The following FER1L6 variants were observed in gnomAD, a reference collection of about 807,000 sequenced individuals.
The protein encoded by FER1L6 is fer-1-like protein 6.
In FER1L6, 177 loss-of-function variants were observed where a neutral mutation model predicts 219.2. The ratio of observed to expected loss-of-function variants is 0.81; its 90% CI spans 0.71 to 0.91. The LOEUF is 0.91. Among genes scored for constraint, FER1L6 ranks in the 40% least tolerant of loss-of-function variants. FER1L6 has a pLI of 0.00. For missense variants in FER1L6, 2,153 were observed against 2,259.9 expected (o/e 0.95, Z 0.96); for synonymous variants, 768 against 824.3 (o/e 0.93, Z 1.17).
chr8:124,096,200 G>GA (rs201325432), intron 35 of FER1L6, among the ~76,000 whole-genome samples: 2,140 of 152,320 alleles, frequency 0.014, 52 homozygotes, highest in African/African-American at 0.049. Context: ...AAATCATCTG[G>GA]TTACTAGGAT....
chr8:123,967,127 A>G (rs1292316296), intron 5 of FER1L6, among the ~76,000 whole-genome samples: 1 of 152,050 alleles, frequency 6.6e-6, no homozygotes, highest in Non-Finnish European at 1.5e-5. Context: ...ATATGGCAAA[A>G]GAGACAAAAA....
chr8:124,023,069 C>G (rs965834145), intron 17 of FER1L6, among the ~76,000 whole-genome samples: 1 of 152,164 alleles, frequency 6.6e-6, no homozygotes, highest in Non-Finnish European at 1.5e-5. Context: ...GCAAGTGTCA[C>G]TACGCCCAGC....
intron 1 of FER1L6, among the ~76,000 whole-genome samples, chr8:123,889,650 G>A (rs1812604498): frequency 6.6e-6 from 1 of 151,986 alleles, no homozygotes; most frequent in Non-Finnish European, 1.5e-5. Flanking sequence ...ATATAAAAAA[G>A]GAGATGTGTT....
intron 25 of FER1L6, 29 bp downstream of exon 25, chr8:124,062,061 T>G (rs755384803): frequency 1.2e-6 from 2 of 1,612,104 alleles, no homozygotes; most frequent in Non-Finnish European, 1.7e-6. Context: ...ATTTTGTAGC[T>G]GTAACTATAA....
At chr8:123,887,318 T>C (rs1817221853) in intron 1 of FER1L6, among the ~76,000 whole-genome samples, 1 of 152,176 alleles carries the variant, frequency 6.6e-6, no homozygotes, top group Non-Finnish European at 1.5e-5. Flanking sequence ...CCCGGTGTTT[T>C]GGTAACAGAT....
At chr8:124,040,268 G>T (rs1819425005) in intron 20 of FER1L6, among the ~76,000 whole-genome samples, 1 of 152,232 alleles carries the variant, frequency 6.6e-6, no homozygotes, top group Non-Finnish European at 1.5e-5. Context: ...GGAATGAGGC[G>T]GAGAAGGCTA....
chr8:123,950,229 G>A (rs113608036), intron 1 of FER1L6, among the ~76,000 whole-genome samples: 2,055 of 152,244 alleles, frequency 0.013, 58 homozygotes, highest in African/African-American at 0.047. Flanking sequence ...TCTAAATAGC[G>A]CGGTCATGTG....
intron 12 of FER1L6, among the ~76,000 whole-genome samples, chr8:123,987,482 C>T (rs1816643234): frequency 6.6e-6 from 1 of 152,118 alleles, no homozygotes; most frequent in Admixed American, 6.5e-5. Flanking sequence ...TGTCTCCTCA[C>T]TTTATGAATT....
chr8:123,906,514 T>C (rs1328317319), intron 1 of FER1L6, among the ~76,000 whole-genome samples: 1 of 152,106 alleles, frequency 6.6e-6, no homozygotes, highest in Admixed American at 6.6e-5. Context: ...AATAAAATGA[T>C]TGTGGCTGGG....
chr8:124,055,616 TAC>T (rs983658364), intron 22 of FER1L6, among the ~76,000 whole-genome samples: 1 of 152,134 alleles, frequency 6.6e-6, no homozygotes, highest in African/African-American at 2.4e-5. Context: ...TCTCTCCTAT[TAC>T]AGTTTTCCTC....
At chr8:123,917,907 G>A (rs1342725837) in intron 1 of FER1L6, among the ~76,000 whole-genome samples, 2 of 152,138 alleles carry the variant, frequency 1.3e-5, no homozygotes, top group African/African-American at 4.8e-5. Flanking sequence ...TGTTTCTTTT[G>A]TCATAGCATT....
intron 39 of FER1L6, among the ~76,000 whole-genome samples, chr8:124,114,911 A>G (rs962907622): frequency 6.7e-5 from 9 of 133,698 alleles, no homozygotes; most frequent in African/African-American, 2.9e-4. Context: ...ATATATATAT[A>G]TATATATATA....
chr8:123,960,323 G>A (rs188006790), intron 2 of FER1L6, among the ~76,000 whole-genome samples: 1 of 152,234 alleles, frequency 6.6e-6, no homozygotes, highest in East Asian at 1.9e-4. Flanking sequence ...GCAGTTCTCA[G>A]GCTTTGCTGT....
chr8:124,034,220 T>C (rs1467754767), intron 18 of FER1L6, among the ~76,000 whole-genome samples: 1 of 151,124 alleles, frequency 6.6e-6, no homozygotes, highest in Non-Finnish European at 1.5e-5. Flanking sequence ...AAGAGGAACT[T>C]AGAAGAAGAG....
intron 13 of FER1L6, 100 bp from the exon 14 acceptor site, chr8:124,010,494 C>T (rs1817871899): frequency 4.2e-6 from 6 of 1,430,260 alleles, no homozygotes; most frequent in Non-Finnish European, 5.7e-6. Context: ...CATCATGCCT[C>T]CCGAGTCCTG....
chr8:123,884,089 G>A (rs1817157504), intron 1 of FER1L6, among the ~76,000 whole-genome samples: 1 of 152,180 alleles, frequency 6.6e-6, no homozygotes, highest in East Asian at 1.9e-4. Context: ...TGGAAAAGGA[G>A]GGCTGTGTGC....
intron 1 of FER1L6, among the ~76,000 whole-genome samples, chr8:123,890,649 T>TTA (rs1554612335): frequency 6.8e-6 from 1 of 146,742 alleles, no homozygotes; most frequent in Non-Finnish European, 1.5e-5. Context: ...TTTTTTTTTT[T>TTA]ACCTCTGATG....
chr8:123,930,014 A>G (rs1813710553), intron 1 of FER1L6, among the ~76,000 whole-genome samples: 1 of 150,448 alleles, frequency 6.6e-6, no homozygotes, highest in Non-Finnish European at 1.5e-5. Context: ...ATTGTAAATT[A>G]TTGAGAAACG....
At chr8:124,087,490 A>T (rs769149942) in intron 33 of FER1L6, among the ~76,000 whole-genome samples, 3 of 151,988 alleles carry the variant, frequency 2.0e-5, no homozygotes, top group Non-Finnish European at 4.4e-5. Context: ...GTTATCTTGA[A>T]TTTTGTTGAG....
Sources: allele counts gnomAD v4.1 joint callset (sites outside exome capture counted in the v4.1 genomes callset), GRCh38; gene constraint gnomAD v4.1.1; transcripts MANE v1.5; gene names NCBI Gene and HGNC (gene_info 2026-07-23, HGNC 2026-07-21).